C5: variants seen among roughly 807,000 people sequenced by gnomAD.
C5 encodes complement C5.
A neutral mutation model predicts 218.8 loss-of-function variants in C5; 140 were observed. The observed-to-expected ratio is 0.64, with a 90% confidence interval of 0.56 to 0.74. C5 has a LOEUF of 0.74. Among genes scored for constraint, C5 ranks in the 30% least tolerant of loss-of-function variants. The pLI, the probability that C5 is intolerant of heterozygous loss-of-function variation, is 0.00. For synonymous variants in C5, 614 were observed against 682.3 expected (o/e 0.90, Z 1.56); for missense variants, 1,700 against 1,969.6 (o/e 0.86, Z 2.59).
chr9:121,046,945 G>C (rs941173373), intron 1 of C5, among the ~76,000 whole-genome samples: 4 of 152,148 alleles, frequency 2.6e-5, no homozygotes, highest in African/African-American at 7.2e-5. Context: ...TTTAAAGGGA[G>C]TGATCTTAGA....
rs1564139297 is a variant in C5 at position 120,982,640 on chromosome 9, AT to A, written c.3390+14del. ...AAATAAAACTATTGCTAATTTGTGC[AT>A]TTGGTTTCCTTACCTGTAATTTTAT... is the stretch of plus-strand genomic sequence containing the variant. On this transcript the variant is annotated intron_variant, in intron 26 of 40. Transcript: ENST00000223642. 1 of 1,581,042 alleles carries A rather than the reference AT, an allele frequency of 6.3e-7. No homozygotes were observed. Among genetic ancestry groups the A allele is most frequent in the Non-Finnish European group, 8.7e-7 (1 of 1,150,904 alleles).
the C5 span, among the ~76,000 whole-genome samples, chr9:121,072,856 TCTC>T: frequency 1.4e-5 from 2 of 147,528 alleles, no homozygotes; most frequent in Non-Finnish European, 3.0e-5. Context: ...ATGAATGTAA[TCTC>T]CTCTTAAGTG....
At chr9:120,992,624 A>G (rs983440518) in intron 22 of C5, among the ~76,000 whole-genome samples, 3 of 152,214 alleles carry the variant, frequency 2.0e-5, no homozygotes, top group Non-Finnish European at 2.9e-5. Context: ...CCAGGTGGAA[A>G]AGGTAAAGAG....
At chr9:121,035,205 CA>C (rs2131804599) in intron 4 of C5, among the ~76,000 whole-genome samples, 1 of 152,212 alleles carries the variant, frequency 6.6e-6, no homozygotes, top group East Asian at 1.9e-4. Context: ...AACAAACAAA[CA>C]AACAAACAAA....
chr9:121,054,562 T>C (rs1386644980), upstream of C5, among the ~76,000 whole-genome samples: 1 of 152,190 alleles, frequency 6.6e-6, no homozygotes, highest in Non-Finnish European at 1.5e-5. Context: ...ATCGTGCCAT[T>C]GCACTCCAGC....
chr9:121,025,670 G>A, intron 8 of C5, 90 bp from the exon 9 acceptor site: 1 of 1,242,446 alleles, frequency 8.0e-7, no homozygotes, highest in East Asian at 2.4e-5. Flanking sequence ...CCTCTAAATT[G>A]AAGGTAAATG....
chr9:120,977,647 T>C (rs1287754024), intron 28 of C5, among the ~76,000 whole-genome samples: 2 of 152,146 alleles, frequency 1.3e-5, no homozygotes, highest in Non-Finnish European at 2.9e-5. Context: ...CTCAAACTAC[T>C]GGGCTCAAGC....
chr9:120,983,776 C>A (rs1265162087), intron 25 of C5, among the ~76,000 whole-genome samples: 1 of 151,642 alleles, frequency 6.6e-6, no homozygotes, highest in Admixed American at 6.6e-5. Context: ...CCTGCCACTG[C>A]ATCCAGCCTG....
In C5 at chr9:120,962,693, T is replaced by G; in HGVS notation, c.4482A>C (p.Thr1494=). The G allele has an allele frequency of 6.2e-7, 1 of 1,613,030 alleles. No individual in the cohort carries two copies. The highest frequency in any genetic ancestry group is 8.5e-7 in the Non-Finnish European group (1 of 1,179,008). Residue 1494 remains threonine (T), a synonymous_variant, in exon 36 of 41, where the codon ACA becomes ACC. Coordinates refer to ENST00000223642, the MANE Select transcript of C5 (RefSeq NM_001735.3). ...EVGFLSPATF[T]VYEYHRPDKQ... ...TACCTGGTCTGTGGTATTCGTACAC[T>G]GTGAAAGTGGCAGGACTGAGAAACC...
intron 1 of C5, among the ~76,000 whole-genome samples, chr9:121,049,145 GTGAT>G (rs983373338): frequency 6.6e-6 from 1 of 152,162 alleles, no homozygotes; most frequent in African/African-American, 2.4e-5. Flanking sequence ...ATTAATTAAA[GTGAT>G]TGATTGCCAT....
chr9:121,027,055 A>T (rs1372362902), intron 8 of C5, 105 bp downstream of exon 8: 2 of 729,058 alleles, frequency 2.7e-6, no homozygotes, highest in Admixed American at 4.1e-5. Context: ...TTAAGTTTCA[A>T]CCTATCTAAA....
chr9:121,074,577 G>C, the C5 span, among the ~76,000 whole-genome samples: 4 of 152,246 alleles, frequency 2.6e-5, no homozygotes, highest in Admixed American at 2.6e-4. Flanking sequence ...CAGAAGTGGG[G>C]GAGGCCGGGG....
chr9:121,005,242 G>A (rs761019367), intron 20 of C5, among the ~76,000 whole-genome samples: 3 of 152,166 alleles, frequency 2.0e-5, no homozygotes, highest in Non-Finnish European at 4.4e-5. Context: ...GTCCAATCAT[G>A]GTTGGAATTG....
the C5 span, among the ~76,000 whole-genome samples, chr9:121,073,990 G>GC: frequency 6.6e-6 from 1 of 152,260 alleles, no homozygotes; most frequent in African/African-American, 2.4e-5. Flanking sequence ...TAGAATGATC[G>GC]CGAGAAAATG....
chr9:120,997,806 AC>A, intron 20 of C5, 32 bp from the exon 21 acceptor site: 2 of 1,561,120 alleles, frequency 1.3e-6, no homozygotes, highest in Non-Finnish European at 1.7e-6. Context: ...ATATCAAAAT[AC>A]ATTTTTTTTT....
At chr9:121,008,609 A>C in intron 17 of C5, 111 bp from the exon 18 acceptor site, 1 of 825,530 alleles carries the variant, frequency 1.2e-6, no homozygotes, top group South Asian at 1.4e-5. Flanking sequence ...TGAAAGGTAA[A>C]TAAAACATTT....
rs574761732 is a variant in C5, at chr9:120,995,676, T to C, written c.2851+564A>G. ...TGTGATGGATAGACAATGAATAATATATGAGGGAAGTCATGCAATTGTTAC... is the reference window on the plus strand; with the variant it reads ...TGTGATGGATAGACAATGAATAATACATGAGGGAAGTCATGCAATTGTTAC... On this transcript the variant is annotated intron_variant, in intron 22 of 40. Transcript: ENST00000223642. Among the ~76,000 whole-genome samples the C allele has an allele frequency of 1.2e-4, 19 of 152,232 alleles. No homozygotes were observed. In the South Asian group the frequency reaches 3.5e-3, roughly 28 times the overall value.
chr9:120,963,559 G>T, intron 34 of C5, 77 bp downstream of exon 34: 2 of 1,093,246 alleles, frequency 1.8e-6, no homozygotes, highest in South Asian at 1.3e-5. Flanking sequence ...TCAAATGAAA[G>T]AAAGTAAAAT....
chr9:120,983,622 G>T (rs572113142), intron 25 of C5, among the ~76,000 whole-genome samples: 1 of 151,988 alleles, frequency 6.6e-6, no homozygotes, highest in Admixed American at 6.6e-5. Flanking sequence ...TGAAGCCTGG[G>T]CGTCATAGTG....
Sources: allele counts gnomAD v4.1 joint callset (sites outside exome capture counted in the v4.1 genomes callset), GRCh38; gene constraint gnomAD v4.1.1; transcripts MANE v1.5; gene names NCBI Gene and HGNC (gene_info 2026-07-23, HGNC 2026-07-21).